The following HIVEP3 variants were observed in gnomAD, a reference collection of about 807,000 sequenced individuals.
The protein encoded by HIVEP3 is transcription factor HIVEP3.
In HIVEP3, 49 loss-of-function variants were observed where a neutral mutation model predicts 152.8. The observed-to-expected ratio is 0.32, with a 90% confidence interval of 0.26 to 0.41. The LOEUF is 0.41. Ranked by LOEUF, HIVEP3 falls within the 10% of genes least tolerant of loss-of-function variation. The pLI is 1.00. For synonymous variants in HIVEP3, 1,269 were observed against 1,289.0 expected (o/e 0.98, Z 0.33); for missense variants, 2,790 against 3,103.3 (o/e 0.90, Z 2.40).
rs115402615 is a variant in HIVEP3 at position 41,576,372 on chromosome 1, C to A, written c.5062-683G>T. On this transcript the variant is annotated intron_variant, in intron 4 of 8. Transcript: ENST00000372583. The stretch of plus-strand genomic sequence containing the variant: ...GACCCACGCTCTTTACAGAGCCACA[C>A]CTCAGTGATGAGAGCTAGCTTAAGG... Among the ~76,000 whole-genome samples, 833 of 152,336 alleles carry A rather than the reference C, an allele frequency of 5.5e-3. 5 individuals are homozygous for A. The highest frequency in any genetic ancestry group is 0.019 in the African/African-American group (799 of 41,576).
At chr1:41,772,989 T>C (rs1011997730) in intron 1 of HIVEP3, among the ~76,000 whole-genome samples, 1 of 152,196 alleles carries the variant, frequency 6.6e-6, no homozygotes, top group African/African-American at 2.4e-5. Flanking sequence ...GTATGTGCAC[T>C]GCATATGCCC....
chr1:41,982,404 T>G (rs1645298233), intron 1 of HIVEP3, among the ~76,000 whole-genome samples: 1 of 152,206 alleles, frequency 6.6e-6, no homozygotes, highest in African/African-American at 2.4e-5. Context: ...CCAGAATACA[T>G]GAGCGCAGCC....
intron 1 of HIVEP3, among the ~76,000 whole-genome samples, chr1:41,895,216 T>C (rs949226529): frequency 5.3e-5 from 8 of 152,254 alleles, no homozygotes; most frequent in African/African-American, 1.4e-4. Flanking sequence ...GGCTCCCCTG[T>C]CCTCTACCTC....
At chr1:41,988,356 A>AT (rs1217764629) in intron 1 of HIVEP3, among the ~76,000 whole-genome samples, 1 of 152,220 alleles carries the variant, frequency 6.6e-6, no homozygotes, top group Non-Finnish European at 1.5e-5. Flanking sequence ...TACCCAAAAT[A>AT]TATAAGAAAC....
intron 1 of HIVEP3, among the ~76,000 whole-genome samples, chr1:42,025,543 G>C (rs747077205): frequency 6.6e-6 from 1 of 151,998 alleles, no homozygotes; most frequent in Non-Finnish European, 1.5e-5. Flanking sequence ...GTTGTTTCTC[G>C]CATCACATTT....
chr1:41,749,192 T>C (rs1211708212), intron 1 of HIVEP3, among the ~76,000 whole-genome samples: 1 of 152,146 alleles, frequency 6.6e-6, no homozygotes, highest in Non-Finnish European at 1.5e-5. Context: ...ATGATGGGTG[T>C]AAAAAGAGGT....
chr1:41,820,638 T>G (rs1011749195), intron 1 of HIVEP3, among the ~76,000 whole-genome samples: 2 of 152,240 alleles, frequency 1.3e-5, no homozygotes, highest in East Asian at 1.9e-4. Flanking sequence ...TTTAAATAAT[T>G]GTTTTATATT....
At chr1:41,557,755 C>T (rs1643990490) in intron 5 of HIVEP3, among the ~76,000 whole-genome samples, 1 of 152,174 alleles carries the variant, frequency 6.6e-6, no homozygotes, top group Non-Finnish European at 1.5e-5. Flanking sequence ...CCCAGGTCAG[C>T]TGACCCAGTG....
At chr1:41,648,446 T>C (rs1645495189) in intron 2 of HIVEP3, among the ~76,000 whole-genome samples, 1 of 152,104 alleles carries the variant, frequency 6.6e-6, no homozygotes, top group Non-Finnish European at 1.5e-5. Flanking sequence ...TGGACCTCTG[T>C]GTGCCAGACT....
At chr1:41,919,648 C>A (rs1054389235), upstream of HIVEP3, among the ~76,000 whole-genome samples, 12 of 152,086 alleles carry the variant, frequency 7.9e-5, no homozygotes, top group Non-Finnish European at 1.5e-4. Flanking sequence ...TTGTTTTTCA[C>A]TTTTCTTTTA....
At chr1:41,841,369 C>A (rs1169382697) in intron 1 of HIVEP3, among the ~76,000 whole-genome samples, 1 of 151,840 alleles carries the variant, frequency 6.6e-6, no homozygotes, top group African/African-American at 2.4e-5. Context: ...TAAATCAATT[C>A]TTTAAACAGG....
intron 5 of HIVEP3, among the ~76,000 whole-genome samples, chr1:41,567,658 G>T (rs1007593009): frequency 2.0e-5 from 3 of 152,182 alleles, no homozygotes; most frequent in African/African-American, 7.2e-5. Flanking sequence ...CCATTTTCTC[G>T]GCTTCTAGAA....
At chr1:41,550,971 C>T (rs1464776292) in intron 5 of HIVEP3, among the ~76,000 whole-genome samples, 2 of 152,202 alleles carry the variant, frequency 1.3e-5, no homozygotes, top group African/African-American at 4.8e-5. Context: ...AAAGGGAATG[C>T]TTCCAGTTTT....
At chr1:41,589,963 A>G (rs1175108946) in intron 3 of HIVEP3, among the ~76,000 whole-genome samples, 1 of 152,258 alleles carries the variant, frequency 6.6e-6, no homozygotes, top group Non-Finnish European at 1.5e-5. Flanking sequence ...CACAGGCTGA[A>G]GAGGAGGCAC....
chr1:41,806,446 C>G (rs1459434259), intron 1 of HIVEP3, among the ~76,000 whole-genome samples: 1 of 152,280 alleles, frequency 6.6e-6, no homozygotes, highest in East Asian at 1.9e-4. Flanking sequence ...CATGGAGCCC[C>G]TGCTATGCCA....
intron 5 of HIVEP3, among the ~76,000 whole-genome samples, chr1:41,526,644 C>CACCCTACACACACACCCTCTCA (rs143513765): frequency 2.1e-5 from 1 of 47,952 alleles, no homozygotes; most frequent in Admixed American, 2.0e-4. Flanking sequence ...CACCCTCACA[C>CACCCTACACACACACCCTCTCA]CCCCACACTC....
intron 2 of HIVEP3, among the ~76,000 whole-genome samples, chr1:41,632,645 A>G (rs536510806): frequency 4.4e-4 from 67 of 152,268 alleles, no homozygotes; most frequent in African/African-American, 1.5e-3. Flanking sequence ...AGTCTCAGGT[A>G]CTTGGGAGGG....
intron 1 of HIVEP3, among the ~76,000 whole-genome samples, chr1:41,915,846 C>T (rs533275592): frequency 6.6e-6 from 1 of 152,286 alleles, no homozygotes; most frequent in South Asian, 2.1e-4. Flanking sequence ...GCTAGTGCTG[C>T]CTGTTGATAC....
At chr1:41,964,126 G>C (rs958082243) in intron 1 of HIVEP3, among the ~76,000 whole-genome samples, 1 of 152,250 alleles carries the variant, frequency 6.6e-6, no homozygotes, top group Non-Finnish European at 1.5e-5. Flanking sequence ...GAGGGGCCAA[G>C]ATGGCTGCCT....
Sources: gnomAD v4.1 joint callset for allele counts (sites outside exome capture counted in the v4.1 genomes callset) on GRCh38, gnomAD v4.1.1 for gene constraint, MANE v1.5 for transcripts, NCBI Gene and HGNC (gene_info 2026-07-23, HGNC 2026-07-21) for gene names.